LIMCH1: variants seen among roughly 807,000 people sequenced by gnomAD.
LIMCH1 encodes LIM and calponin homology domains-containing protein 1.
Under a neutral mutation model 176.5 loss-of-function variants are expected in LIMCH1, and 113 were observed. That is an observed-to-expected ratio of 0.64 (90% CI 0.55 to 0.75). The LOEUF (loss-of-function observed/expected upper bound fraction) is 0.75, where lower values mean the gene tolerates loss of function less well. LIMCH1 is among the 30% of genes least tolerant of loss of function. The probability of loss-of-function intolerance (pLI) is 0.00; values close to 1 mark genes in which losing one functional copy is unlikely to be tolerated. For missense variants in LIMCH1, 1,674 were observed against 1,814.9 expected (o/e 0.92, Z 1.41); for synonymous variants, 619 against 645.9 (o/e 0.96, Z 0.63).
intron 28 of LIMCH1, among the ~76,000 whole-genome samples, 178 bp downstream of exon 28, chr4:41,686,008 G>T (rs1406270324): frequency 6.6e-6 from 1 of 152,144 alleles, no homozygotes; most frequent in African/African-American, 2.4e-5. Flanking sequence ...CAGTCTTTCT[G>T]GCAAGTAAAT....
chr4:41,490,906 A>G (rs1342530593), intron 1 of LIMCH1, among the ~76,000 whole-genome samples: 96 of 83,516 alleles, frequency 1.1e-3, no homozygotes, highest in South Asian at 3.7e-3. Flanking sequence ...CGGGGCGGCC[A>G]GGCAGAGGCG....
intron 19 of LIMCH1, among the ~76,000 whole-genome samples, chr4:41,661,770 C>T (rs1451860162): frequency 1.3e-5 from 2 of 152,116 alleles, no homozygotes. Flanking sequence ...TCCCTATAAT[C>T]ATAAAGAATA....
intron 1 of LIMCH1, among the ~76,000 whole-genome samples, chr4:41,434,171 G>A (rs1406145506): frequency 6.6e-6 from 1 of 152,198 alleles, no homozygotes; most frequent in Admixed American, 6.5e-5. Flanking sequence ...TCCAAGGGAG[G>A]TCTCAGAAGG....
chr4:41,629,842 C>T (rs1189041184), intron 9 of LIMCH1, 108 bp downstream of exon 9: 18 of 1,291,296 alleles, frequency 1.4e-5, no homozygotes, highest in Non-Finnish European at 1.6e-5. Context: ...GGGTCTTGCT[C>T]TGTTGCCCAG....
intron 2 of LIMCH1, among the ~76,000 whole-genome samples, chr4:41,513,857 G>A (rs1032671958): frequency 6.9e-6 from 1 of 145,914 alleles, no homozygotes; most frequent in Admixed American, 6.7e-5. Flanking sequence ...AATATGAAAA[G>A]TAGCCAGGTG....
intron 2 of LIMCH1, among the ~76,000 whole-genome samples, chr4:41,496,316 T>C (rs948423029): frequency 7.2e-5 from 11 of 152,184 alleles, no homozygotes; most frequent in Admixed American, 7.2e-4. Context: ...CCCACTGGTG[T>C]ATTTGAAGGA....
rs535288391 is a variant in LIMCH1 at position 41,594,952 on chromosome 4, T to C, written c.-240-3968T>C. 2.0e-5 allele frequency among the ~76,000 whole-genome samples: 3 copies of C among 152,312 alleles called. No individual in the cohort carries two copies. The East Asian group carries it at 5.8e-4, about 29-fold the overall frequency. On this transcript the variant is annotated intron_variant, in intron 1 of 31. Transcript: ENST00000503057. Reference sequence around the variant, plus strand: ...AGAGCATCAACACTCAGCCTTTGCTTTCCTCTGGGCAGAAAGCACTCAGAG... The same window carrying C: ...AGAGCATCAACACTCAGCCTTTGCTCTCCTCTGGGCAGAAAGCACTCAGAG...
chr4:41,662,897 G>C lies in LIMCH1; in HGVS notation c.3204G>C (p.Gln1068His). The change falls in exon 20 of 32, where the codon CAG becomes CAC. Residue 1068 changes from glutamine to histidine, a missense_variant. Coordinates refer to ENST00000503057, the MANE Select transcript of LIMCH1 (RefSeq NM_001330672.2). ...VAFVEFPSSP[Q>H]LKNDVSEEKD... ...TTGTGGAATTTCCCTCCAGCCCCCA[G>C]CTGAAGAATGATGTGTCGGAAGAAA... is the stretch of plus-strand genomic sequence containing the variant. 1.2e-6 allele frequency: 2 copies of C among 1,614,010 alleles called. No individual in the cohort carries two copies. Among genetic ancestry groups the C allele is most frequent in the Non-Finnish European group, 1.7e-6 (2 of 1,179,976 alleles).
At chr4:41,642,144 T>C (rs2093848339) in intron 14 of LIMCH1, among the ~76,000 whole-genome samples, 5 of 152,320 alleles carry the variant, frequency 3.3e-5, no homozygotes, top group Admixed American at 2.6e-4. Context: ...ATATTATAGA[T>C]GGCAGAGTTG....
chr4:41,387,487 T>C (rs1482154024), intron 1 of LIMCH1, among the ~76,000 whole-genome samples: 1 of 152,118 alleles, frequency 6.6e-6, no homozygotes, highest in Non-Finnish European at 1.5e-5. Context: ...GTAGATTATT[T>C]CCAATTTTTA....
chr4:41,554,845 C>A (rs1051046206), intron 1 of LIMCH1, among the ~76,000 whole-genome samples: 3 of 151,950 alleles, frequency 2.0e-5, no homozygotes, highest in African/African-American at 7.3e-5. Flanking sequence ...TTATCATGTC[C>A]CTATTAGGTG....
chr4:41,632,333 A>G (rs1002936681), intron 10 of LIMCH1, among the ~76,000 whole-genome samples: 1 of 152,182 alleles, frequency 6.6e-6, no homozygotes, highest in African/African-American at 2.4e-5. Context: ...TGGATGGCCT[A>G]TGACCTATAG....
At chr4:41,430,838 G>A (rs1354840212) in intron 1 of LIMCH1, among the ~76,000 whole-genome samples, 1 of 151,982 alleles carries the variant, frequency 6.6e-6, no homozygotes, top group Non-Finnish European at 1.5e-5. Flanking sequence ...TTACATGCTG[G>A]CTTAAATCTC....
rs1307464978 is a variant in LIMCH1, at chr4:41,631,374, A to T, written c.1498A>T (p.Ile500Phe). Reference sequence around the variant, plus strand: ...GCCTAGAGAGGATGAAGAAGAAGTCATCTGTCATGGCAGCAAGATTCAAAT... The same window carrying T: ...GCCTAGAGAGGATGAAGAAGAAGTCTTCTGTCATGGCAGCAAGATTCAAAT... ...AGPREDEEEV[I>F]CHGSKIQMDS... Residue 500 changes from isoleucine (I) to phenylalanine (F), a missense_variant, in exon 10 of 32, where the codon ATC becomes TTC. Ile to Phe is a conservative substitution (Grantham distance 21). Around this residue, in one of 3 missense-constraint regions of LIMCH1, gnomAD observed 655 missense variants for 692.2 expected, o/e 0.95. Coordinates refer to ENST00000503057, the MANE Select transcript of LIMCH1 (RefSeq NM_001330672.2). 4.6e-6 allele frequency: 7 copies of T among 1,536,164 alleles called. No homozygotes were observed. The highest frequency in any genetic ancestry group is 6.1e-6 in the Non-Finnish European group (7 of 1,146,938).
intron 2 of LIMCH1, among the ~76,000 whole-genome samples, chr4:41,515,447 GAAGTGA>G (rs1212522492): frequency 6.6e-6 from 1 of 152,234 alleles, no homozygotes; most frequent in Admixed American, 6.5e-5. Context: ...CTCAGGAGGA[GAAGTGA>G]GCCAGTGATC....
chr4:41,650,309 G>C, intron 17 of LIMCH1, 84 bp from the exon 18 acceptor site: 1 of 921,646 alleles, frequency 1.1e-6, no homozygotes, highest in Non-Finnish European at 1.7e-6. Context: ...ATGATCTTTT[G>C]AGGTAATTCT....
rs35828085 is a variant in LIMCH1 at position 41,636,340 on chromosome 4, C to CTTT, written c.2090+2550_2090+2552dup. ...TTGCATTGGAAAGATTGCTTTATTA[C>CTTT]TTTTTTTTTTTTTTTTTTTTGCTAA... On this transcript the variant is annotated intron_variant, in intron 13 of 31. Coordinates refer to ENST00000503057, the MANE Select transcript of LIMCH1 (RefSeq NM_001330672.2). Among the ~76,000 whole-genome samples the CTTT allele has an allele frequency of 2.4e-3, 250 of 104,888 alleles. 5 individuals are homozygous for CTTT. Among genetic ancestry groups the CTTT allele is most frequent in the Middle Eastern group, 0.016 (2 of 124 alleles). 68.8% of individuals were successfully genotyped at this position (104,888 alleles called of 152,430 possible). A position where few individuals can be genotyped will look rare whatever the true frequency, so the allele number is the denominator to read the frequency against.
At chr4:41,541,302 G>A (rs6447089) in intron 1 of LIMCH1, among the ~76,000 whole-genome samples, 10,356 of 142,432 alleles carry the variant, frequency 0.073, 477 homozygotes, top group South Asian at 0.16. Flanking sequence ...GTGTAGATTC[G>A]GGAAGGCTGG....
intron 4 of LIMCH1, chr4:41,612,712 G>T (rs2091579202): frequency 1.4e-6 from 1 of 698,414 alleles, no homozygotes; most frequent in Admixed American, 2.0e-5. Context: ...GACAGCCATT[G>T]TTCTCCCTGC....
Sources: allele counts gnomAD v4.1 joint callset (sites outside exome capture counted in the v4.1 genomes callset), GRCh38; gene constraint gnomAD v4.1.1; regional missense constraint gnomAD v4.1.1; transcripts MANE v1.5; gene names NCBI Gene and HGNC (gene_info 2026-07-23, HGNC 2026-07-21).